The following DST variants were observed in gnomAD, a reference collection of about 807,000 sequenced individuals.
DST encodes the protein bullous pemphigoid antigen.
DST carries 253 observed loss-of-function variants against 875.2 expected under a neutral mutation model. That is an observed-to-expected ratio of 0.29 (90% confidence interval 0.26 to 0.32). DST has a LOEUF of 0.32. Ranked by LOEUF, DST falls within the 10% of genes least tolerant of loss-of-function variation. The pLI is 1.00. For missense variants in DST, 8,287 were observed against 9,111.6 expected, an observed-to-expected ratio of 0.91 and a Z score of 3.68; for synonymous variants, 3,124 against 3,197.1, an observed-to-expected ratio of 0.98 and a Z score of 0.77.
intron 4 of DST, among the ~76,000 whole-genome samples, chr6:56,803,490 T>A (rs2099749686): frequency 6.6e-6 from 1 of 152,198 alleles, no homozygotes; most frequent in East Asian, 1.9e-4. Context: ...AGTACAAGCA[T>A]CTTCCATTTA....
rs569652305 is a variant in DST at position 56,843,265 on chromosome 6, T to G, written c.625+8132A>C. The G allele has an allele frequency of 6.1e-5, 77 of 1,260,570 alleles. No individual in the cohort carries two copies. In the African/African-American group the frequency reaches 1.1e-3, roughly 19 times the overall value. The allele number at this position is 1,260,570 out of a possible 1,614,324, so 78.1% of individuals were successfully genotyped here. On this transcript the variant is annotated intron_variant, in intron 4 of 103. Coordinates refer to ENST00000680361, the MANE Select transcript of DST (RefSeq NM_001374736.1). The stretch of plus-strand genomic sequence containing the variant: ...TGGAAAAGAGGAAGGAGCAGCACGC[T>G]GGGGAGAAGCACGGAAGCCGAAGAC...
At chr6:56,727,641 T>G (rs1179068467) in intron 5 of DST, among the ~76,000 whole-genome samples, 2 of 152,188 alleles carry the variant, frequency 1.3e-5, no homozygotes, top group African/African-American at 4.8e-5. Flanking sequence ...TGAAGAAGAA[T>G]GCAAATAGAA....
In DST at chr6:56,619,985, G is replaced by A. The variant is rs45472691; in HGVS notation, c.4929+4545C>T. 1.5e-3 allele frequency: 2,388 copies of A among 1,613,928 alleles called. 3 individuals are homozygous for A. The highest frequency in any genetic ancestry group is 1.4e-3 in the Non-Finnish European group (1,693 of 1,179,980). On this transcript the variant is annotated intron_variant, in intron 36 of 103. Transcript: ENST00000680361. ...CTTGTCATGTTCTTGCTGGAGACCC[G>A]TTACTGCCCTGCATGATGTAGCCTG... is the stretch of plus-strand genomic sequence containing the variant.
intron 4 of DST, among the ~76,000 whole-genome samples, chr6:56,820,290 T>G (rs1314557261): frequency 1.3e-5 from 2 of 152,248 alleles, no homozygotes; most frequent in African/African-American, 4.8e-5. Flanking sequence ...GCAGTGTACA[T>G]GTTCTGTAAG....
chr6:56,612,087 T>C (rs987587392), intron 37 of DST, among the ~76,000 whole-genome samples: 7 of 152,202 alleles, frequency 4.6e-5, no homozygotes, highest in Non-Finnish European at 1.0e-4. Context: ...AAAGAATTTC[T>C]AGCTGAGAGC....
At chr6:56,670,507 A>T in intron 10 of DST, 134 bp downstream of exon 10, 1 of 772,766 alleles carries the variant, frequency 1.3e-6, no homozygotes. Flanking sequence ...CCAATTTTTT[A>T]TTTTAATTTT....
In DST at chr6:56,561,618, AG is replaced by A. The variant is rs2097536736; in HGVS notation, c.14069-70del. On this transcript the variant is annotated intron_variant, in intron 56 of 103. Transcript: ENST00000680361. The stretch of plus-strand genomic sequence containing the variant: ...TTTGGAGCAGAGGTCTAGAAATAAA[AG>A]TTTGTTTTACATGGTATTTTGTCAC... 6.7e-6 allele frequency: 10 copies of A among 1,492,606 alleles called. No individual in the cohort carries two copies. In the South Asian group the frequency reaches 1.2e-4, roughly 18 times the overall value. 92.5% of individuals were successfully genotyped at this position (1,492,606 alleles called of 1,614,324 possible). A position where few individuals can be genotyped will look rare whatever the true frequency, so the allele number is the denominator to read the frequency against.
intron 80 of DST, among the ~76,000 whole-genome samples, chr6:56,500,083 T>C (rs2096069642): frequency 6.6e-6 from 1 of 152,052 alleles, no homozygotes; most frequent in Admixed American, 6.6e-5. Flanking sequence ...TGGGGAACTA[T>C]GAAAGAAGAA....
rs1307596772 is a variant in DST, at chr6:56,604,358, A to G, written c.10270T>C (p.Ser3424Pro). Residue 3424 changes from serine to proline, a missense_variant, in exon 40 of 104, where the codon TCA (serine) becomes CCA (proline). Physicochemically the swap from Ser to Pro is moderately conservative, Grantham distance 74. Around this residue, in one of 10 missense-constraint regions of DST, gnomAD observed 3,138 missense variants for 3,116.6 expected, o/e 1.01. Transcript: ENST00000680361. ...TCTCTACTTTCTGGCTTTAGTTCTG[A>G]TGAGTTAGTCATGGGGGAAACTCCA... ...SSGVSPMTNS[S>P]ELKPESRDDP... 1 of 1,612,322 alleles carries G rather than the reference A, an allele frequency of 6.2e-7. No individual in the cohort carries two copies. Among genetic ancestry groups the G allele is most frequent in the Non-Finnish European group, 8.5e-7 (1 of 1,179,068 alleles).
chr6:56,543,895 A>C (rs570806682), intron 61 of DST, among the ~76,000 whole-genome samples: 6 of 152,184 alleles, frequency 3.9e-5, no homozygotes, highest in African/African-American at 1.4e-4. Flanking sequence ...TTCATAATGA[A>C]AACTCTATCG....
At chr6:56,462,668 CT>C (rs1466082039) in intron 102 of DST, among the ~76,000 whole-genome samples, 1 of 152,098 alleles carries the variant, frequency 6.6e-6, no homozygotes, top group Non-Finnish European at 1.5e-5. Flanking sequence ...ATGTGTTGCA[CT>C]TCTTGCCCAT....
rs562868819 is a variant in DST, at chr6:56,852,648, T to C, written c.418-1044A>G. Among the ~76,000 whole-genome samples, 134 of 152,254 alleles carry C rather than the reference T, an allele frequency of 8.8e-4. 2 individuals carry two copies. The highest frequency in any genetic ancestry group is 3.1e-4 in the Non-Finnish European group (21 of 68,040). ...TTACTAAGGAAACAAGGATGTTGAC[T>C]ATCTCTGCTGCAAAATTATAAACAT... On this transcript the variant is annotated intron_variant, in intron 3 of 103. Coordinates refer to ENST00000680361, the MANE Select transcript of DST (RefSeq NM_001374736.1).
At chr6:56,882,188 GCTCATTTTC>G (rs1292907228) in intron 3 of DST, among the ~76,000 whole-genome samples, 1 of 152,168 alleles carries the variant, frequency 6.6e-6, no homozygotes, top group Non-Finnish European at 1.5e-5. Flanking sequence ...AGAAAAATAG[GCTCATTTTC>G]AACATGAATG....
chr6:56,649,302 G>C (rs1192969446), intron 12 of DST, among the ~76,000 whole-genome samples: 5 of 152,154 alleles, frequency 3.3e-5, no homozygotes, highest in Non-Finnish European at 7.3e-5. Context: ...GTTGTGTTGA[G>C]TGTTATAATA....
At chr6:56,915,812 C>A (rs115303996) in intron 2 of DST, among the ~76,000 whole-genome samples, 1 of 152,216 alleles carries the variant, frequency 6.6e-6, no homozygotes, top group Non-Finnish European at 1.5e-5. Flanking sequence ...GCAAACTGAA[C>A]TGTTAATACT....
chr6:56,743,255 C>T (rs892272584), intron 4 of DST, among the ~76,000 whole-genome samples: 8 of 151,994 alleles, frequency 5.3e-5, no homozygotes, highest in Admixed American at 3.3e-4. Flanking sequence ...AAACTGTATA[C>T]ATAGTTAATT....
intron 3 of DST, among the ~76,000 whole-genome samples, chr6:56,894,418 A>G (rs1789736279): frequency 1.8e-5 from 1 of 56,130 alleles, no homozygotes; most frequent in Non-Finnish European, 3.1e-5. Flanking sequence ...CTCACTTCCC[A>G]GTAGGGGCGG....
intron 69 of DST, among the ~76,000 whole-genome samples, chr6:56,523,424 T>C (rs1265413436): frequency 6.6e-6 from 1 of 152,136 alleles, no homozygotes; most frequent in Non-Finnish European, 1.5e-5. Context: ...GGTTACAAAG[T>C]ATGTGCTAAT....
Position 56,476,340 on chromosome 6 carries a change from G to T in DST, c.21676-3C>A. 6.5e-7 allele frequency: 1 copy of T among 1,547,660 alleles called. No individual in the cohort carries two copies. The highest frequency in any genetic ancestry group is 1.2e-5 in the South Asian group (1 of 81,426). ...TGTTGCTTTGCCCAGGCCAGCACCT[G>T]TCAGAGAAACAGAAATTTCTCTGAA... On this transcript the variant is annotated splice_polypyrimidine_tract_variant and splice_region_variant and intron_variant, in intron 91 of 103. Transcript: ENST00000680361.
Sources: gnomAD v4.1 joint callset for allele counts (sites outside exome capture counted in the v4.1 genomes callset) on GRCh38, gnomAD v4.1.1 for gene constraint, gnomAD v4.1.1 regional missense constraint, MANE v1.5 for transcripts, NCBI Gene and HGNC (gene_info 2026-07-23, HGNC 2026-07-21) for gene names.